SLC44A5: variants seen among roughly 807,000 people sequenced by gnomAD.
The protein encoded by SLC44A5 is solute carrier family 44 member 5.
A neutral mutation model predicts 101.8 loss-of-function variants in SLC44A5; 57 were observed. The observed-to-expected ratio is 0.56, with a 90% CI of 0.45 to 0.70. The LOEUF (loss-of-function observed/expected upper bound fraction) is 0.70. SLC44A5 is among the 30% of genes least tolerant of loss of function. The probability of loss-of-function intolerance (pLI) is 0.00; values close to 1 mark genes in which losing one functional copy is unlikely to be tolerated. For synonymous variants in SLC44A5, 281 were observed against 290.9 expected, an observed-to-expected ratio of 0.97 and a Z score of 0.35; for missense variants, 737 against 853.1, an observed-to-expected ratio of 0.86 and a Z score of 1.70.
chr1:75,640,425 G>C, the SLC44A5 span, among the ~76,000 whole-genome samples: 55 of 152,198 alleles, frequency 3.6e-4, no homozygotes, highest in African/African-American at 1.3e-3. Context: ...GCTGGAGCAA[G>C]TCAATGGTCA....
chr1:75,549,529 A>G (rs935532710), intron 1 of SLC44A5, among the ~76,000 whole-genome samples: 1 of 152,078 alleles, frequency 6.6e-6, no homozygotes, highest in African/African-American at 2.4e-5. Flanking sequence ...TTCAACAAAC[A>G]TTTATGGAGT....
At chr1:75,582,863 T>C (rs1673777815) in intron 1 of SLC44A5, among the ~76,000 whole-genome samples, 1 of 152,214 alleles carries the variant, frequency 6.6e-6, no homozygotes. Flanking sequence ...CTAAGGAATC[T>C]GGGCCCTTCA....
intron 4 of SLC44A5, among the ~76,000 whole-genome samples, chr1:75,313,584 C>A (rs773953197): frequency 3.3e-5 from 5 of 152,066 alleles, no homozygotes; most frequent in African/African-American, 4.8e-5. Context: ...TGTGGACTGT[C>A]CATTATGAAC....
In SLC44A5 at chr1:75,416,372, C is replaced by T. The variant is rs558533882; in HGVS notation, c.14-19751G>A. Among the ~76,000 whole-genome samples the T allele has an allele frequency of 2.0e-5, 3 of 152,316 alleles. No individual in the cohort carries two copies. The South Asian group carries it at 6.2e-4, about 32-fold the overall frequency. ...AGTGCACAGAAGTCAAGAACTGGGGCTTGGGAATCTCTGCCTAGATTTCAA... is the reference window on the plus strand; with the variant it reads ...AGTGCACAGAAGTCAAGAACTGGGGTTTGGGAATCTCTGCCTAGATTTCAA... On this transcript the variant is annotated intron_variant, in intron 2 of 23. Coordinates refer to ENST00000370859, the MANE Select transcript of SLC44A5 (RefSeq NM_001130058.2).
chr1:75,305,640 T>G (rs1383206715), intron 4 of SLC44A5, among the ~76,000 whole-genome samples: 1 of 152,230 alleles, frequency 6.6e-6, no homozygotes, highest in Non-Finnish European at 1.5e-5. Context: ...CTCAGAGCTC[T>G]CTGCTCATAG....
the SLC44A5 span, among the ~76,000 whole-genome samples, chr1:75,627,173 A>G: frequency 6.3e-4 from 96 of 152,162 alleles, 1 homozygote; most frequent in African/African-American, 2.0e-3. Flanking sequence ...TATCATTAAG[A>G]TTTATTTCAT....
chr1:75,709,438 C>T, the SLC44A5 span, among the ~76,000 whole-genome samples: 1 of 152,144 alleles, frequency 6.6e-6, no homozygotes, highest in Admixed American at 6.6e-5. Flanking sequence ...ACAGACCGAT[C>T]CTGGTTCAAA....
At chr1:75,486,997 A>T (rs1388008869) in intron 2 of SLC44A5, among the ~76,000 whole-genome samples, 3 of 152,204 alleles carry the variant, frequency 2.0e-5, no homozygotes, top group Non-Finnish European at 4.4e-5. Context: ...ACTTTAATTG[A>T]TATTTTATTG....
intron 1 of SLC44A5, among the ~76,000 whole-genome samples, chr1:75,579,826 T>TACACACACACAC (rs6143284): frequency 0.013 from 1,916 of 150,048 alleles, 42 homozygotes; most frequent in African/African-American, 0.041. Flanking sequence ...TTCAACTATC[T>TACACACACACAC]ACACACACAC....
At chr1:75,234,772 G>C (rs1425231549) in intron 11 of SLC44A5, among the ~76,000 whole-genome samples, 1 of 151,998 alleles carries the variant, frequency 6.6e-6, no homozygotes, top group Non-Finnish European at 1.5e-5. Flanking sequence ...GCAATTAACA[G>C]CACGACTATC....
chr1:75,589,585 T>G (rs371775156), intron 1 of SLC44A5, among the ~76,000 whole-genome samples: 1 of 152,206 alleles, frequency 6.6e-6, no homozygotes. Context: ...AATACCCTTA[T>G]AAGAACCAAG....
chr1:75,389,615 TGAAAA>T (rs1465813607), intron 3 of SLC44A5, among the ~76,000 whole-genome samples: 2 of 152,020 alleles, frequency 1.3e-5, no homozygotes, highest in Non-Finnish European at 2.9e-5. Context: ...TTGAAATAAA[TGAAAA>T]GAGAGACACA....
the SLC44A5 span, among the ~76,000 whole-genome samples, chr1:75,633,609 G>A: frequency 3.4e-4 from 52 of 152,196 alleles, no homozygotes; most frequent in African/African-American, 1.2e-3. Flanking sequence ...ATCAGCTTAA[G>A]GAGATTTTGG....
chr1:75,655,639 C>G, the SLC44A5 span, among the ~76,000 whole-genome samples: 60 of 152,222 alleles, frequency 3.9e-4, no homozygotes, highest in Non-Finnish European at 7.6e-4. Context: ...CAATGCAGCA[C>G]AGAGAGACAC....
chr1:75,572,027 A>G (rs1282086592), intron 1 of SLC44A5, among the ~76,000 whole-genome samples: 1 of 152,246 alleles, frequency 6.6e-6, no homozygotes, highest in Admixed American at 6.5e-5. Context: ...ACCAAGAAAT[A>G]TATGTCCAGC....
At chr1:75,389,564 C>T (rs563650790) in intron 3 of SLC44A5, among the ~76,000 whole-genome samples, 301 of 152,272 alleles carry the variant, frequency 2.0e-3, no homozygotes, top group Non-Finnish European at 3.4e-3. Flanking sequence ...TCCTGAATGA[C>T]TTTTGGGTAA....
chr1:75,570,247 A>C (rs2102034290), intron 1 of SLC44A5, among the ~76,000 whole-genome samples: 1 of 152,304 alleles, frequency 6.6e-6, no homozygotes, highest in South Asian at 2.1e-4. Context: ...ACAGGATGTA[A>C]GTAACTAACA....
At chr1:75,356,048 C>A (rs547363188) in intron 3 of SLC44A5, among the ~76,000 whole-genome samples, 76 of 151,104 alleles carry the variant, frequency 5.0e-4, no homozygotes, top group African/African-American at 1.8e-3. Context: ...CCCATCTCTA[C>A]AAAAAAATAC....
intron 23 of SLC44A5, chr1:75,206,546 T>C: frequency 8.8e-7 from 1 of 1,137,514 alleles, no homozygotes; most frequent in Non-Finnish European, 1.3e-6. Context: ...ATTTCCAAAT[T>C]ACAATCAACC....
Sources: gnomAD v4.1 joint callset for allele counts (sites outside exome capture counted in the v4.1 genomes callset) on GRCh38, gnomAD v4.1.1 for gene constraint, MANE v1.5 for transcripts, NCBI Gene and HGNC (gene_info 2026-07-23, HGNC 2026-07-21) for gene names.